Variants in PKIB observed in about 807,000 individuals in gnomAD.
The protein encoded by PKIB is cAMP-dependent protein kinase inhibitor beta, also known as PKI-beta.
Under a neutral mutation model 4.5 loss-of-function variants are expected in PKIB, and 2 were observed. That is an observed-to-expected ratio of 0.44 (90% CI 0.18 to 1.39). PKIB has a LOEUF of 1.39. Ranked by LOEUF, PKIB falls within the 40% of genes most tolerant of loss-of-function variation. The probability of loss-of-function intolerance (pLI) is 0.27; values close to 1 mark genes in which losing one functional copy is unlikely to be tolerated. For synonymous variants in PKIB, 38 were observed against 36.0 expected, an observed-to-expected ratio of 1.06 and a Z score of -0.20; for missense variants, 94 against 92.6, an observed-to-expected ratio of 1.02 and a Z score of -0.06.
In PKIB at chr6:122,688,947, A is replaced by AT. The variant is rs1207538175; in HGVS notation, c.-9+13812dup. Among the ~76,000 whole-genome samples, 406 of 150,870 alleles carry AT rather than the reference A, an allele frequency of 2.7e-3. 1 individual carries two copies. Among genetic ancestry groups the AT allele is most frequent in the Middle Eastern group, 0.014 (4 of 294 alleles). On this transcript the variant is annotated intron_variant, in intron 3 of 4. Transcript: ENST00000368452. The stretch of plus-strand genomic sequence containing the variant: ...AGACGCCCGCCACCACGCCCGTCTA[A>AT]TTTTTTTTTATTTTTAGTAGAGACG...
intron 1 of PKIB, among the ~76,000 whole-genome samples, chr6:122,621,582 C>G (rs141951546): frequency 1.3e-3 from 193 of 152,220 alleles, no homozygotes; most frequent in African/African-American, 4.5e-3. Flanking sequence ...TAGTTTGCCA[C>G]ATAAAGGGGA....
intron 3 of PKIB, among the ~76,000 whole-genome samples, chr6:122,594,047 G>A (rs1774092772): frequency 6.6e-6 from 1 of 151,996 alleles, no homozygotes; most frequent in Non-Finnish European, 1.5e-5. Context: ...ACAATAATGA[G>A]GTTGTAATTA....
chr6:122,589,331 G>A lies in PKIB; in HGVS notation c.-161+3324G>A, dbSNP rs558490052. On this transcript the variant is annotated intron_variant, in intron 3 of 6. Coordinates refer to the PKIB transcript ENST00000392491. The stretch of plus-strand genomic sequence containing the variant: ...AAAAACAGCTGAATTCCAGGATGTT[G>A]TATTACAGTGTGTACAACACATAGC... Among the ~76,000 whole-genome samples the A allele has an allele frequency of 3.9e-5, 6 of 152,192 alleles. 1 individual carries two copies. In the South Asian group the frequency reaches 1.2e-3, roughly 32 times the overall value.
intron 2 of PKIB, among the ~76,000 whole-genome samples, chr6:122,669,450 G>A (rs1030135498): frequency 1.3e-5 from 2 of 151,932 alleles, no homozygotes; most frequent in African/African-American, 4.8e-5. Context: ...TTCCTATGTA[G>A]GATAATAACA....
intron 2 of PKIB, among the ~76,000 whole-genome samples, chr6:122,549,867 T>G (rs1203049762): frequency 6.8e-6 from 1 of 147,342 alleles, no homozygotes; most frequent in Non-Finnish European, 1.5e-5. Context: ...TGTATATGTA[T>G]ATAAAAATAT....
intron 2 of PKIB, among the ~76,000 whole-genome samples, chr6:122,576,668 CA>C (rs71867898): frequency 5.0e-4 from 6 of 12,018 alleles, no homozygotes; most frequent in East Asian, 3.8e-3. Flanking sequence ...GACTCCATCT[CA>C]AAAAAAAAAA....
At chr6:122,696,932 A>G (rs1379189813) in intron 3 of PKIB, among the ~76,000 whole-genome samples, 2 of 152,094 alleles carry the variant, frequency 1.3e-5, no homozygotes, top group African/African-American at 4.8e-5. Flanking sequence ...GTCACCTCCT[A>G]TTTACCCTGT....
chr6:122,601,174 A>G (rs1394867553), intron 3 of PKIB, among the ~76,000 whole-genome samples: 4 of 152,122 alleles, frequency 2.6e-5, no homozygotes, highest in African/African-American at 9.7e-5. Flanking sequence ...CTGTGGGACA[A>G]CTTCAGGCAG....
At chr6:122,519,763 A>G (rs746110819) in intron 2 of PKIB, among the ~76,000 whole-genome samples, 6 of 152,190 alleles carry the variant, frequency 3.9e-5, no homozygotes, top group Non-Finnish European at 7.3e-5. Flanking sequence ...ACTCACATTC[A>G]TGGAGTGACA....
chr6:122,717,640 G>A (rs572880898), intron 3 of PKIB, 147 bp from the exon 4 acceptor site: 15 of 781,216 alleles, frequency 1.9e-5, no homozygotes, highest in Middle Eastern at 3.8e-4. Context: ...CTGCAGGACC[G>A]TAACAGTAGA....
At chr6:122,580,649 A>G (rs920571016) in intron 2 of PKIB, among the ~76,000 whole-genome samples, 1 of 152,124 alleles carries the variant, frequency 6.6e-6, no homozygotes, top group African/African-American at 2.4e-5. Flanking sequence ...TTTATCCTGT[A>G]TCATATCTAT....
chr6:122,693,498 A>T (rs112847615), intron 3 of PKIB, among the ~76,000 whole-genome samples: 110 of 152,348 alleles, frequency 7.2e-4, no homozygotes, highest in African/African-American at 2.5e-3. Context: ...GAAAGATCTG[A>T]TGTGGAATGA....
intron 2 of PKIB, among the ~76,000 whole-genome samples, chr6:122,560,850 C>A (rs981962140): frequency 2.0e-5 from 3 of 151,830 alleles, no homozygotes; most frequent in Admixed American, 6.6e-5. Context: ...TAGTAGCCTT[C>A]AATAATCTTT....
At chr6:122,708,316 A>T (rs1477682900) in intron 3 of PKIB, among the ~76,000 whole-genome samples, 1 of 152,122 alleles carries the variant, frequency 6.6e-6, no homozygotes, top group African/African-American at 2.4e-5. Flanking sequence ...CCTATGCCAT[A>T]TTATCTCATT....
chr6:122,624,562 C>A (rs1775359771), intron 1 of PKIB, among the ~76,000 whole-genome samples: 1 of 152,048 alleles, frequency 6.6e-6, no homozygotes, highest in Non-Finnish European at 1.5e-5. Context: ...TTTCTTAGAG[C>A]TTTGAGATAT....
chr6:122,550,179 T>C (rs375460420), intron 2 of PKIB, among the ~76,000 whole-genome samples: 7 of 152,006 alleles, frequency 4.6e-5, no homozygotes, highest in African/African-American at 1.7e-4. Flanking sequence ...TCTCCCAGAG[T>C]GCTAGGATTA....
chr6:122,618,388 A>C (rs1007674394), intron 1 of PKIB, among the ~76,000 whole-genome samples: 1 of 152,092 alleles, frequency 6.6e-6, no homozygotes, highest in Non-Finnish European at 1.5e-5. Flanking sequence ...ATAATGAATT[A>C]TTCCACATGT....
intron 2 of PKIB, among the ~76,000 whole-genome samples, chr6:122,514,458 A>G (rs1029350300): frequency 3.3e-5 from 5 of 152,382 alleles, no homozygotes; most frequent in Admixed American, 6.5e-5. Flanking sequence ...TGAGTTCACA[A>G]AAATATTTGA....
intron 2 of PKIB, among the ~76,000 whole-genome samples, chr6:122,580,081 C>T (rs940670095): frequency 3.9e-5 from 6 of 152,044 alleles, no homozygotes; most frequent in South Asian, 2.1e-4. Flanking sequence ...TATTTCATCA[C>T]TATTTTTATA....
Sources: gnomAD v4.1 joint callset for allele counts (sites outside exome capture counted in the v4.1 genomes callset) on GRCh38, gnomAD v4.1.1 for gene constraint, MANE v1.5 for transcripts, NCBI Gene and HGNC (gene_info 2026-07-23, HGNC 2026-07-21) for gene names.